The following SNX13 variants were observed in gnomAD, a reference collection of about 807,000 sequenced individuals.
SNX13 encodes sorting nexin 13, also known as sorting nexin-13.
In SNX13, 45 loss-of-function variants were observed where a neutral mutation model predicts 133.6. The ratio of observed to expected loss-of-function variants is 0.34; its 90% CI spans 0.27 to 0.43. The LOEUF is 0.43. SNX13 is among the 20% of genes least tolerant of loss of function. The probability of loss-of-function intolerance (pLI) is 1.00; values close to 1 mark genes in which losing one functional copy is unlikely to be tolerated. For synonymous variants in SNX13, 414 were observed against 373.9 expected, an observed-to-expected ratio of 1.11 and a Z score of -1.24; for missense variants, 1,032 against 1,145.1, an observed-to-expected ratio of 0.90 and a Z score of 1.43.
At chr7:17,847,275 G>C (rs1330112913) in intron 11 of SNX13, among the ~76,000 whole-genome samples, 2 of 152,014 alleles carry the variant, frequency 1.3e-5, no homozygotes, top group Non-Finnish European at 2.9e-5. Context: ...TGGGCCTCAA[G>C]TAATGTTTCT....
Position 17,792,160 on chromosome 7 carries a change from G to A in SNX13, c.*1885C>T, listed in dbSNP as rs1783607720. ...CATGTCAAAAATATATTTGAAATGG[G>A]CAGAGGCATATATGAAAATCACTGC... On this transcript the variant is annotated 3_prime_UTR_variant, in exon 26 of 26. Coordinates refer to ENST00000428135, the MANE Select transcript of SNX13 (RefSeq NM_015132.5). 6.6e-6 allele frequency: 1 copy of A among 151,952 alleles called. No individual in the cohort carries two copies. Among genetic ancestry groups the A allele is most frequent in the Non-Finnish European group, 1.5e-5 (1 of 67,934 alleles). The allele number at this position is 151,952 out of a possible 1,614,324, so 9.4% of individuals were successfully genotyped here.
At chr7:17,857,123 A>T (rs1792007176) in intron 9 of SNX13, among the ~76,000 whole-genome samples, 1 of 152,158 alleles carries the variant, frequency 6.6e-6, no homozygotes, top group African/African-American at 2.4e-5. Context: ...TGCTCCAACA[A>T]ACTGGAAAAC....
At chr7:17,864,050 T>G (rs1300255931) in intron 9 of SNX13, among the ~76,000 whole-genome samples, 1 of 152,182 alleles carries the variant, frequency 6.6e-6, no homozygotes, top group African/African-American at 2.4e-5. Context: ...ATGAAAAGCC[T>G]TCTCAACAAG....
intron 5 of SNX13, chr7:17,880,349 G>T (rs75844089): frequency 6.6e-6 from 1 of 152,178 alleles, no homozygotes; most frequent in African/African-American, 2.4e-5. Context: ...GGTTTTCATA[G>T]AAACTACCTT....
chr7:17,796,215 G>A (rs1487046580), intron 25 of SNX13: 1 of 151,684 alleles, frequency 6.6e-6, no homozygotes, highest in Non-Finnish European at 1.5e-5. Flanking sequence ...TAAATCTAAG[G>A]TAGTGAGATA....
Position 17,798,766 on chromosome 7 carries a change from T to C in SNX13, c.2445-8A>G, listed in dbSNP as rs1784322129. 9 of 1,533,776 alleles carry C rather than the reference T, an allele frequency of 5.9e-6. No homozygotes were observed. Among genetic ancestry groups the C allele is most frequent in the African/African-American group, 2.8e-5 (2 of 71,258 alleles). On this transcript the variant is annotated splice_polypyrimidine_tract_variant and splice_region_variant and intron_variant, in intron 23 of 25. Coordinates refer to ENST00000428135, the MANE Select transcript of SNX13 (RefSeq NM_015132.5). The stretch of plus-strand genomic sequence containing the variant: ...ACATGGTCAACTATTTTTCTGAAAG[T>C]AAATTAATGTAAATGAGGAAGGTTA...
At chr7:17,916,650 G>A (rs1317984684) in intron 1 of SNX13, among the ~76,000 whole-genome samples, 1 of 150,656 alleles carries the variant, frequency 6.6e-6, no homozygotes, top group East Asian at 1.9e-4. Context: ...TTCCAAAATT[G>A]AATCAGTAAC....
At chr7:17,883,725 C>G (rs920888428) in intron 5 of SNX13, among the ~76,000 whole-genome samples, 1 of 152,084 alleles carries the variant, frequency 6.6e-6, no homozygotes, top group Non-Finnish European at 1.5e-5. Flanking sequence ...CCTCACCCCC[C>G]AAGAGGCCCC....
At chr7:17,825,311 A>AGACTG (rs1554314265) in intron 17 of SNX13, among the ~76,000 whole-genome samples, 1 of 151,942 alleles carries the variant, frequency 6.6e-6, no homozygotes, top group Admixed American at 6.6e-5. Flanking sequence ...AGACTAGACT[A>AGACTG]TAAAATCTCT....
chr7:17,830,567 T>G (rs1344632651), intron 15 of SNX13: 1 of 983,728 alleles, frequency 1.0e-6, no homozygotes, highest in East Asian at 1.1e-4. Flanking sequence ...AAGTCCAGAT[T>G]TTTAAATCAA....
intron 1 of SNX13, among the ~76,000 whole-genome samples, chr7:17,902,047 T>C (rs1460673419): frequency 6.6e-6 from 1 of 152,190 alleles, no homozygotes; most frequent in Non-Finnish European, 1.5e-5. Flanking sequence ...CACCAATTTG[T>C]CAACAAGGGG....
chr7:17,872,725 T>C (rs1319069062), intron 8 of SNX13, among the ~76,000 whole-genome samples: 10 of 152,222 alleles, frequency 6.6e-5, no homozygotes, highest in African/African-American at 2.4e-5. Context: ...GTCTCAGGAA[T>C]TGTTATCTAT....
At chr7:17,869,026 T>C (rs1048389140) in intron 8 of SNX13, among the ~76,000 whole-genome samples, 3 of 152,116 alleles carry the variant, frequency 2.0e-5, no homozygotes, top group Admixed American at 1.3e-4. Flanking sequence ...ATAATAGATA[T>C]GTTAATCGAT....
At chr7:17,854,225 A>T (rs1039254317) in intron 9 of SNX13, among the ~76,000 whole-genome samples, 3 of 152,172 alleles carry the variant, frequency 2.0e-5, no homozygotes, top group Admixed American at 6.5e-5. Context: ...AGAACAAAGG[A>T]TGGGGGCTAA....
intron 25 of SNX13, chr7:17,794,504 G>C: frequency 1.8e-6 from 1 of 553,812 alleles, no homozygotes. Context: ...GCTACTGGGA[G>C]ACAATATAGC....
chr7:17,894,228 G>C (rs1796959044), intron 2 of SNX13, among the ~76,000 whole-genome samples: 1 of 151,790 alleles, frequency 6.6e-6, no homozygotes, highest in Non-Finnish European at 1.5e-5. Flanking sequence ...GCTTGAACCG[G>C]GGAGGCAGAG....
rs1159482067 is a variant in SNX13, at chr7:17,940,472, A to C, written c.-177T>G. ...CCCTCGGCCCGGTCGCTCGCGACGG[A>C]CGCGCCGCCATCTTGGAAGAGCGAC... On this transcript the variant is annotated 5_prime_UTR_variant, in exon 1 of 26. Transcript: ENST00000428135. 5.4e-6 allele frequency: 4 copies of C among 739,190 alleles called. No homozygotes were observed. In the East Asian group the frequency reaches 8.0e-5, roughly 15 times the overall value. The allele number at this position is 739,190 out of a possible 1,614,324, so 45.8% of individuals were successfully genotyped here. A position where few individuals can be genotyped will look rare whatever the true frequency, so the allele number is the denominator to read the frequency against.
intron 1 of SNX13, among the ~76,000 whole-genome samples, chr7:17,925,948 G>A (rs561760421): frequency 6.6e-6 from 1 of 152,270 alleles, no homozygotes; most frequent in Non-Finnish European, 1.5e-5. Flanking sequence ...TTATAATTGG[G>A]AATTGCCGAT....
Position 17,793,955 on chromosome 7 carries a change from A to G in SNX13, c.*90T>C. 7.2e-7 allele frequency: 1 copy of G among 1,387,036 alleles called. No homozygotes were observed. Among genetic ancestry groups the G allele is most frequent in the Non-Finnish European group, 9.9e-7 (1 of 1,014,844 alleles). The allele number at this position is 1,387,036 out of a possible 1,614,324, so 85.9% of individuals were successfully genotyped here. The stretch of plus-strand genomic sequence containing the variant: ...TTTTGAGACACTAAAAGACTGGTGC[A>G]GACACAACAGTATTTGAGTTAAGCC... On this transcript the variant is annotated 3_prime_UTR_variant, in exon 26 of 26. Transcript: ENST00000428135.
Sources: allele counts gnomAD v4.1 joint callset (sites outside exome capture counted in the v4.1 genomes callset), GRCh38; gene constraint gnomAD v4.1.1; transcripts MANE v1.5; gene names NCBI Gene and HGNC (gene_info 2026-07-23, HGNC 2026-07-21).